The following SREK1 variants were observed in gnomAD, a reference collection of about 807,000 sequenced individuals.
SREK1 encodes splicing regulatory glutamine/lysine-rich protein 1.
In SREK1, 13 loss-of-function variants were observed where a neutral mutation model predicts 66.5. The observed-to-expected ratio is 0.20, with a 90% confidence interval of 0.13 to 0.31. The LOEUF is 0.31. SREK1 is among the 10% of genes least tolerant of loss of function. The pLI, the probability that SREK1 is intolerant of heterozygous loss-of-function variation, is 1.00. For synonymous variants in SREK1, 265 were observed against 263.5 expected (o/e 1.01, Z -0.05); for missense variants, 607 against 769.6 (o/e 0.79, Z 2.50).
At chr5:66,151,188 A>C (rs183717210) in intron 1 of SREK1, among the ~76,000 whole-genome samples, 58 of 152,202 alleles carry the variant, frequency 3.8e-4, no homozygotes, top group Middle Eastern at 3.4e-3. Context: ...AACTTTACTC[A>C]TTGTGGTTAT....
At chr5:66,161,202 A>T (rs1218637897) in intron 3 of SREK1, among the ~76,000 whole-genome samples, 1 of 152,120 alleles carries the variant, frequency 6.6e-6, no homozygotes, top group South Asian at 2.1e-4. Flanking sequence ...AGGAACTCAT[A>T]CTCATACTCA....
At position 66,162,280 on chromosome 5, in the gene SREK1, A is replaced by T; in HGVS notation, c.576+7A>T. 6.2e-7 allele frequency: 1 copy of T among 1,613,826 alleles called. No homozygotes were observed. Among genetic ancestry groups the T allele is most frequent in the Non-Finnish European group, 8.5e-7 (1 of 1,179,774 alleles). On this transcript the variant is annotated splice_region_variant and intron_variant, in intron 4 of 11. Transcript: ENST00000334121. ...TGGAAATCTGAATTCCCAGGTAACTAATTAAAGAAGAAACAAAGCAGCAGT... is the reference window on the plus strand; with the variant it reads ...TGGAAATCTGAATTCCCAGGTAACTTATTAAAGAAGAAACAAAGCAGCAGT...
intron 2 of SREK1, 159 bp from the exon 3 acceptor site, chr5:66,159,060 A>G (rs1418986163): frequency 1.3e-5 from 18 of 1,420,258 alleles, no homozygotes; most frequent in Non-Finnish European, 1.6e-5. Flanking sequence ...AGCAGGATAA[A>G]AGGAAAGACT....
In SREK1 at chr5:66,153,522, G is replaced by A. The variant is rs1169962009; in HGVS notation, c.221G>A (p.Ser74Asn). The A allele has an allele frequency of 6.2e-7, 1 of 1,614,012 alleles. No individual in the cohort carries two copies. The highest frequency in any genetic ancestry group is 1.1e-5 in the South Asian group (1 of 91,056). The stretch of plus-strand genomic sequence containing the variant: ...TATGTTAAGTTTCGTGATCCATCAA[G>A]TGTTGGCGTGGCCCAGCATCTAACT... ...VCYVKFRDPS[S>N]VGVAQHLTNT... The change falls in exon 2 of 12, where the codon AGT becomes AAT. Residue 74 changes from serine to asparagine, a missense_variant. Coordinates refer to ENST00000334121, the MANE Select transcript of SREK1 (RefSeq NM_001077199.3).
intron 3 of SREK1, among the ~76,000 whole-genome samples, chr5:66,161,089 G>C (rs181885219): frequency 6.6e-6 from 1 of 152,122 alleles, no homozygotes; most frequent in East Asian, 1.9e-4. Flanking sequence ...TATTTTCTTA[G>C]GTAAACTTTC....
intron 1 of SREK1, among the ~76,000 whole-genome samples, chr5:66,149,416 C>T (rs1743569561): frequency 6.6e-6 from 1 of 152,048 alleles, no homozygotes; most frequent in Non-Finnish European, 1.5e-5. Context: ...ACCTAATATC[C>T]ATACTTCCAT....
At chr5:66,175,231 C>G (rs1266366410) in intron 10 of SREK1, among the ~76,000 whole-genome samples, 190 bp downstream of exon 10, 1 of 152,148 alleles carries the variant, frequency 6.6e-6, no homozygotes, top group Non-Finnish European at 1.5e-5. Context: ...CTACACTGTT[C>G]CCAGAAGTAA....
intron 1 of SREK1, among the ~76,000 whole-genome samples, chr5:66,145,998 A>G (rs1743161245): frequency 6.6e-6 from 1 of 151,942 alleles, no homozygotes; most frequent in Admixed American, 6.6e-5. Context: ...ATATGTGTAT[A>G]TATATATCTT....
Position 66,179,092 on chromosome 5 carries a change from C to T in SREK1, c.*224C>T. Reference sequence around the variant, plus strand: ...GTTACCCAAACTCATCTTCTAAAATCTGTGCATTTCCATGGTGGCTGACAC... The same window carrying T: ...GTTACCCAAACTCATCTTCTAAAATTTGTGCATTTCCATGGTGGCTGACAC... On this transcript the variant is annotated 3_prime_UTR_variant, in exon 12 of 12. Coordinates refer to ENST00000334121, the MANE Select transcript of SREK1 (RefSeq NM_001077199.3). The T allele has an allele frequency of 2.8e-6, 1 of 358,952 alleles. No homozygotes were observed. The allele number at this position is 358,952 out of a possible 1,614,324, so 22.2% of individuals were successfully genotyped here.
chr5:66,155,963 AATC>A (rs746073704), intron 2 of SREK1: 5 of 1,492,582 alleles, frequency 3.3e-6, no homozygotes, highest in East Asian at 2.5e-5. Flanking sequence ...GTGTCAGCCT[AATC>A]ATCAGTCATA....
chr5:66,169,864 G>A, intron 7 of SREK1, 187 bp from the exon 8 acceptor site: 1 of 412,318 alleles, frequency 2.4e-6, no homozygotes, highest in East Asian at 4.2e-5. Flanking sequence ...CTTTGTTTCT[G>A]TCTCTGTTCT....
intron 10 of SREK1, among the ~76,000 whole-genome samples, chr5:66,175,378 C>T (rs1745972976): frequency 6.6e-6 from 1 of 152,070 alleles, no homozygotes; most frequent in African/African-American, 2.4e-5. Flanking sequence ...ATTTAACTAC[C>T]AGGAAGTCTT....
rs1031723170 is a variant in SREK1 at position 66,166,048 on chromosome 5, T to TA, written c.1001+1152dup. ...GTTTTACTGCGTTTATCCAAGGACT[T>TA]ACAGTAAGACACTTTCAGAACCAAG... On this transcript the variant is annotated intron_variant, in intron 7 of 11. Coordinates refer to ENST00000334121, the MANE Select transcript of SREK1 (RefSeq NM_001077199.3). The TA allele has an allele frequency of 4.6e-5, 7 of 152,382 alleles. No homozygotes were observed. In the East Asian group the frequency reaches 7.7e-4, roughly 17 times the overall value. The allele number at this position is 152,382 out of a possible 1,614,324, so 9.4% of individuals were successfully genotyped here.
chr5:66,168,661 G>A (rs747684575), intron 7 of SREK1: 1 of 152,166 alleles, frequency 6.6e-6, no homozygotes, highest in Non-Finnish European at 1.5e-5. Flanking sequence ...ACAGGTGTGA[G>A]CCACTGTGCC....
At chr5:66,146,492 A>G (rs1053275331) in intron 1 of SREK1, among the ~76,000 whole-genome samples, 7 of 152,204 alleles carry the variant, frequency 4.6e-5, no homozygotes, top group Non-Finnish European at 8.8e-5. Flanking sequence ...CATATGGAAG[A>G]TTACGGTAGT....
intron 2 of SREK1, among the ~76,000 whole-genome samples, chr5:66,154,274 T>A (rs1744098659): frequency 6.6e-6 from 1 of 152,178 alleles, no homozygotes; most frequent in African/African-American, 2.4e-5. Context: ...TAAACTGCTT[T>A]AAGAACTAAT....
intron 1 of SREK1, 97 bp downstream of exon 1, chr5:66,144,634 A>G (rs1742990879): frequency 6.9e-7 from 1 of 1,442,556 alleles, no homozygotes; most frequent in African/African-American, 1.4e-5. Context: ...CGCGCGGTGC[A>G]TGTCACGTGA....
At chr5:66,145,909 T>C (rs1743153321) in intron 1 of SREK1, among the ~76,000 whole-genome samples, 1 of 151,612 alleles carries the variant, frequency 6.6e-6, no homozygotes, top group South Asian at 2.1e-4. Flanking sequence ...GATATTTTGT[T>C]TTGTAGTTCA....
chr5:66,162,734 C>T (rs1052097247), intron 5 of SREK1, 142 bp downstream of exon 5: 54 of 673,298 alleles, frequency 8.0e-5, no homozygotes, highest in Non-Finnish European at 1.2e-4. Context: ...AAATGAAATA[C>T]ATGAGATACT....
Sources: allele counts gnomAD v4.1 joint callset (sites outside exome capture counted in the v4.1 genomes callset), GRCh38; gene constraint gnomAD v4.1.1; transcripts MANE v1.5; gene names NCBI Gene and HGNC (gene_info 2026-07-23, HGNC 2026-07-21).